The following IRAK3 variants were observed in gnomAD, a reference collection of about 807,000 sequenced individuals.
The protein encoded by IRAK3 is interleukin 1 receptor associated kinase 3.
Under a neutral mutation model 56.6 loss-of-function variants are expected in IRAK3, and 57 were observed. The observed-to-expected ratio is 1.01, with a 90% confidence interval of 0.81 to 1.26. IRAK3 has a LOEUF of 1.26. Ranked by LOEUF, IRAK3 falls within the 50% of genes most tolerant of loss-of-function variation. IRAK3 has a pLI of 0.00. For synonymous variants in IRAK3, 258 were observed against 255.7 expected (o/e 1.01, Z -0.09); for missense variants, 703 against 719.0 (o/e 0.98, Z 0.25).
At chr12:66,235,277 G>C in intron 8 of IRAK3, 1 of 1,523,618 alleles carries the variant, frequency 6.6e-7, no homozygotes, top group Non-Finnish European at 8.8e-7. Context: ...GCTGCTGCTG[G>C]GGAAGATCAT....
chr12:66,192,850 G>A (rs1231542762), intron 1 of IRAK3, among the ~76,000 whole-genome samples: 2 of 152,054 alleles, frequency 1.3e-5, no homozygotes, highest in East Asian at 1.9e-4. Context: ...TTTATAGATA[G>A]GTGAACTGAT....
chr12:66,209,421 T>A, intron 2 of IRAK3, 35 bp from the exon 3 acceptor site: 1 of 1,367,512 alleles, frequency 7.3e-7, no homozygotes, highest in Non-Finnish European at 1.0e-6. Context: ...GACATAAAAT[T>A]TTTTTGTATC....
rs774146311 is a variant in IRAK3, at chr12:66,196,796, A to G, written c.134-6915A>G. The stretch of plus-strand genomic sequence containing the variant: ...TCTTTTGGAATTAAAAATGTCTTTA[A>G]CCTTAAAAGTTCTTTTAAAAAATTG... On this transcript the variant is annotated intron_variant, in intron 1 of 11. Coordinates refer to ENST00000261233, the MANE Select transcript of IRAK3 (RefSeq NM_007199.3). 1.9e-4 allele frequency: 250 copies of G among 1,336,800 alleles called. 2 individuals are homozygous for G. The highest frequency in any genetic ancestry group is 2.4e-4 in the Non-Finnish European group (247 of 1,017,848). 82.8% of individuals were successfully genotyped at this position (1,336,800 alleles called of 1,614,324 possible). A position where few individuals can be genotyped will look rare whatever the true frequency, so the allele number is the denominator to read the frequency against.
intron 6 of IRAK3, among the ~76,000 whole-genome samples, chr12:66,225,952 A>T (rs1407113903): frequency 6.6e-6 from 1 of 152,238 alleles, no homozygotes; most frequent in African/African-American, 2.4e-5. Context: ...AAGTGGATGA[A>T]TGAAAATGGT....
chr12:66,248,115 A>G lies in IRAK3; in HGVS notation c.1735A>G (p.Ser579Gly), dbSNP rs775943532. ...GHSCRSRPVESSCSSKFSWDE... is the reference protein window; with the variant it reads ...GHSCRSRPVEGSCSSKFSWDE... ...TTCTTGCAGGAGCAGGCCAGTGGAG[A>G]GCAGCTGTTCCTCCAAATTTTCCTG... Residue 579 changes from serine (S) to glycine (G), a missense_variant, in exon 12 of 12, where the codon AGC becomes GGC. Ser to Gly is a moderately conservative substitution (Grantham distance 56). Transcript: ENST00000261233. 13 of 1,611,372 alleles carry G rather than the reference A, an allele frequency of 8.1e-6. No homozygotes were observed. The highest frequency in any genetic ancestry group is 1.0e-5 in the Non-Finnish European group (12 of 1,179,002).
intron 8 of IRAK3, among the ~76,000 whole-genome samples, chr12:66,229,924 G>A (rs1430932180): frequency 6.6e-6 from 1 of 152,186 alleles, no homozygotes; most frequent in East Asian, 1.9e-4. Flanking sequence ...AAAGCCCCAA[G>A]CAGCAATAGA....
chr12:66,227,186 T>G (rs1273033889), intron 7 of IRAK3, among the ~76,000 whole-genome samples: 3 of 152,202 alleles, frequency 2.0e-5, no homozygotes, highest in Admixed American at 1.3e-4. Context: ...TAATTTTAAT[T>G]TGTATAACTT....
chr12:66,236,972 T>C (rs1384774598), intron 8 of IRAK3, among the ~76,000 whole-genome samples: 2 of 151,566 alleles, frequency 1.3e-5, no homozygotes, highest in East Asian at 3.9e-4. Flanking sequence ...CATCTGTCCT[T>C]CCCCTTCTTT....
chr12:66,217,652 T>C (rs1322444262), intron 6 of IRAK3, among the ~76,000 whole-genome samples: 1 of 152,168 alleles, frequency 6.6e-6, no homozygotes, highest in Non-Finnish European at 1.5e-5. Context: ...TGCATATTAT[T>C]TTTCTGGAAT....
chr12:66,237,706 C>A (rs1479320755), intron 8 of IRAK3, among the ~76,000 whole-genome samples: 1 of 152,140 alleles, frequency 6.6e-6, no homozygotes, highest in Non-Finnish European at 1.5e-5. Flanking sequence ...TCTCATGTTC[C>A]ATGTCTGATT....
chr12:66,247,557 AT>A (rs2053047668), intron 11 of IRAK3, 137 bp from the exon 12 acceptor site: 7 of 655,612 alleles, frequency 1.1e-5, no homozygotes, highest in Non-Finnish European at 1.9e-5. Context: ...AATCTTTAAG[AT>A]CCCTTCTAAT....
At chr12:66,209,670 T>C in intron 3 of IRAK3, 150 bp downstream of exon 3, 1 of 665,832 alleles carries the variant, frequency 1.5e-6, no homozygotes, top group Non-Finnish European at 2.7e-6. Context: ...ATTCTCTATT[T>C]AGTTGAGGAT....
intron 1 of IRAK3, among the ~76,000 whole-genome samples, chr12:66,193,156 C>A (rs2052415429): frequency 6.6e-6 from 1 of 151,904 alleles, no homozygotes. Context: ...TACAGGCATG[C>A]ACCACCATGC....
At chr12:66,221,417 T>C (rs558275517) in intron 6 of IRAK3, among the ~76,000 whole-genome samples, 1 of 152,140 alleles carries the variant, frequency 6.6e-6, no homozygotes, top group South Asian at 2.1e-4. Flanking sequence ...ATGGAAAGGG[T>C]GGGCACACTT....
intron 8 of IRAK3, among the ~76,000 whole-genome samples, chr12:66,236,788 C>A (rs966091260): frequency 3.3e-5 from 5 of 152,134 alleles, no homozygotes; most frequent in Non-Finnish European, 7.4e-5. Context: ...TACAGGAGAA[C>A]GTGACCCTGT....
Position 66,248,248 on chromosome 12 carries a change from G to A in IRAK3, c.*77G>A. The stretch of plus-strand genomic sequence containing the variant: ...TAGGTATGACCTTGGGAAGACATTG[G>A]CTCCATAAGCAATGCCAAGAGAATG... On this transcript the variant is annotated 3_prime_UTR_variant, in exon 12 of 12. Transcript: ENST00000261233. 1.0e-6 allele frequency: 1 copy of A among 986,388 alleles called. No homozygotes were observed. The highest frequency in any genetic ancestry group is 1.6e-6 in the Non-Finnish European group (1 of 625,918). 61.1% of individuals were successfully genotyped at this position (986,388 alleles called of 1,614,324 possible).
intron 6 of IRAK3, among the ~76,000 whole-genome samples, chr12:66,218,114 A>G (rs374841445): frequency 6.6e-6 from 1 of 152,300 alleles, no homozygotes; most frequent in South Asian, 2.1e-4. Context: ...TTATCATCCA[A>G]CCACCCAGCT....
At chr12:66,242,290 C>T (rs1461174053) in intron 8 of IRAK3, among the ~76,000 whole-genome samples, 1 of 152,146 alleles carries the variant, frequency 6.6e-6, no homozygotes, top group Admixed American at 6.5e-5. Flanking sequence ...TTCAAATGCC[C>T]CCAGGACTCT....
intron 8 of IRAK3, among the ~76,000 whole-genome samples, chr12:66,228,937 C>T (rs754128394): frequency 1.3e-5 from 2 of 152,134 alleles, no homozygotes; most frequent in African/African-American, 4.8e-5. Flanking sequence ...AATGCATTTT[C>T]GACTTACCAT....
Sources: allele counts gnomAD v4.1 joint callset (sites outside exome capture counted in the v4.1 genomes callset), GRCh38; gene constraint gnomAD v4.1.1; transcripts MANE v1.5; gene names NCBI Gene and HGNC (gene_info 2026-07-23, HGNC 2026-07-21).